The following TNIP3 variants were observed in gnomAD, a reference collection of about 807,000 sequenced individuals.
TNIP3 encodes TNFAIP3 interacting protein 3.
TNIP3 carries 34 observed loss-of-function variants against 54.1 expected under a neutral mutation model. That is an observed-to-expected ratio of 0.63 (90% CI 0.48 to 0.84). TNIP3 has a LOEUF of 0.84. TNIP3 is among the 40% of genes least tolerant of loss of function. The pLI, the probability that TNIP3 is intolerant of heterozygous loss-of-function variation, is 0.00. For missense variants in TNIP3, 366 were observed against 387.6 expected, an observed-to-expected ratio of 0.94 and a Z score of 0.47; for synonymous variants, 134 against 136.8, an observed-to-expected ratio of 0.98 and a Z score of 0.14.
At position 121,150,216 on chromosome 4, in the gene TNIP3, G is replaced by C. The variant is rs747644165; in HGVS notation, c.496C>G (p.Leu166Val). The change falls in exon 6 of 11, where the codon CTT becomes GTT. Residue 166 changes from leucine to valine, a missense_variant. Physicochemically the swap from Leu to Val is conservative, Grantham distance 32 (BLOSUM62 1). Transcript: ENST00000057513. ...ECEIKRLNKA[L>V]QDALNIKCSF... ...CACTTGATATTCAAGGCATCCTGAA[G>C]AGCCTACGTAATAAGATAAGTACAC... 3 of 1,597,460 alleles carry C rather than the reference G, an allele frequency of 1.9e-6. No homozygotes were observed. Among genetic ancestry groups the C allele is most frequent in the African/African-American group, 1.3e-5 (1 of 74,502 alleles).
chr4:121,201,721 A>G (rs1725900427), intron 2 of TNIP3, among the ~76,000 whole-genome samples: 1 of 152,212 alleles, frequency 6.6e-6, no homozygotes, highest in Non-Finnish European at 1.5e-5. Context: ...TCATTTGTAT[A>G]TTAATTAATA....
intron 1 of TNIP3, among the ~76,000 whole-genome samples, chr4:121,163,391 G>A (rs1413654223): frequency 2.0e-5 from 3 of 152,154 alleles, no homozygotes; most frequent in Non-Finnish European, 4.4e-5. Flanking sequence ...TAACTACAAA[G>A]ATTTTCAGTC....
At chr4:121,174,988 T>G (rs1724222268) in intron 3 of TNIP3, among the ~76,000 whole-genome samples, 1 of 152,202 alleles carries the variant, frequency 6.6e-6, no homozygotes, top group South Asian at 2.1e-4. Context: ...AAACCCAGCT[T>G]GGGTTGAGAT....
At chr4:121,208,860 A>G (rs1726323662) in intron 2 of TNIP3, among the ~76,000 whole-genome samples, 1 of 152,160 alleles carries the variant, frequency 6.6e-6, no homozygotes, top group Admixed American at 6.5e-5. Context: ...GAAGTCTGTC[A>G]GGGTGGAATC....
At chr4:121,221,631 A>G (rs1417958307) in intron 1 of TNIP3, among the ~76,000 whole-genome samples, 2 of 152,188 alleles carry the variant, frequency 1.3e-5, no homozygotes, top group Admixed American at 6.5e-5. Context: ...AAATTGGAGG[A>G]GAGGAAAATT....
intron 3 of TNIP3, among the ~76,000 whole-genome samples, chr4:121,182,107 C>G (rs1724749875): frequency 6.6e-6 from 1 of 151,942 alleles, no homozygotes; most frequent in Admixed American, 6.5e-5. Flanking sequence ...TTTAAGAGTT[C>G]ATGTTGTCAT....
chr4:121,182,165 A>G (rs1241499062), intron 3 of TNIP3, among the ~76,000 whole-genome samples: 1 of 152,116 alleles, frequency 6.6e-6, no homozygotes. Context: ...GCTTGAGCCT[A>G]CCCTTGAATT....
chr4:121,180,108 T>C (rs754113455), intron 3 of TNIP3, among the ~76,000 whole-genome samples: 20 of 151,988 alleles, frequency 1.3e-4, no homozygotes, highest in Non-Finnish European at 2.9e-4. Flanking sequence ...GAATTAATAT[T>C]ATAGATGTCG....
rs143759576 is a variant in TNIP3, at chr4:121,134,737, C to T, written c.947-2075G>A. Among the ~76,000 whole-genome samples, 256 of 152,238 alleles carry T rather than the reference C, an allele frequency of 1.7e-3. 3 individuals are homozygous for T. Among genetic ancestry groups the T allele is most frequent in the East Asian group, 9.9e-3 (51 of 5,160 alleles). ...GTGCACCATGGTACTCAGCACCTAC[C>T]ACCCTCAGTCCCTAGTCAGGAAGCC... is the stretch of plus-strand genomic sequence containing the variant. On this transcript the variant is annotated intron_variant, in intron 10 of 10. Coordinates refer to ENST00000057513, the MANE Select transcript of TNIP3 (RefSeq NM_024873.6).
At chr4:121,180,646 G>T (rs747546979) in intron 3 of TNIP3, among the ~76,000 whole-genome samples, 1 of 152,134 alleles carries the variant, frequency 6.6e-6, no homozygotes, top group Non-Finnish European at 1.5e-5. Flanking sequence ...ATGGGGTCTC[G>T]TATATGTTTG....
chr4:121,193,597 A>G (rs1376241949), intron 2 of TNIP3, among the ~76,000 whole-genome samples: 1 of 152,174 alleles, frequency 6.6e-6, no homozygotes, highest in Non-Finnish European at 1.5e-5. Flanking sequence ...AATAGATGCT[A>G]AGACTGGTGG....
intron 3 of TNIP3, among the ~76,000 whole-genome samples, chr4:121,181,255 G>T (rs548148397): frequency 3.9e-5 from 6 of 152,304 alleles, no homozygotes; most frequent in African/African-American, 7.2e-5. Context: ...GTACCAGAGG[G>T]AATTGATATT....
At chr4:121,154,739 G>T (rs570805250) in intron 4 of TNIP3, 60 bp from the exon 5 acceptor site, 2 of 1,481,884 alleles carry the variant, frequency 1.3e-6, no homozygotes, top group South Asian at 2.6e-5. Context: ...AGATGATATT[G>T]TAGGAATTCT....
intron 2 of TNIP3, among the ~76,000 whole-genome samples, chr4:121,160,570 A>G (rs2148814593): frequency 6.6e-6 from 1 of 152,352 alleles, no homozygotes; most frequent in African/African-American, 2.4e-5. Context: ...AAGAGTAAAG[A>G]GGTTCTAACA....
upstream of TNIP3, among the ~76,000 whole-genome samples, chr4:121,165,659 TTG>T (rs67730856): frequency 0.067 from 9,864 of 146,344 alleles, 941 homozygotes; most frequent in African/African-American, 0.22. Flanking sequence ...TTTTGCTAGT[TTG>T]TGTGTGTGTG....
Position 121,150,108 on chromosome 4 carries a change from G to T in TNIP3, c.604C>A (p.Gln202Lys), listed in dbSNP as rs200675874. 1.2e-6 allele frequency: 2 copies of T among 1,609,728 alleles called. No homozygotes were observed. Residue 202 changes from glutamine (Q) to lysine (K), a missense_variant, in exon 6 of 11, where the codon CAG becomes AAG. Coordinates refer to ENST00000057513, the MANE Select transcript of TNIP3 (RefSeq NM_024873.6). ...EMRTEMEVLK[Q>K]QVQIYEEDFK... ...TGCCACTTCCAGCTTCTCACCTGCT[G>T]CTTCAGAACTTCCATTTCTGTTCTC...
chr4:121,170,822 CT>C (rs990824585), intron 3 of TNIP3, among the ~76,000 whole-genome samples: 17 of 148,782 alleles, frequency 1.1e-4, no homozygotes, highest in Admixed American at 1.3e-4. Flanking sequence ...TAAGAGATAT[CT>C]TTTTTTTTTA....
chr4:121,223,024 C>A (rs1405709233), intron 1 of TNIP3, among the ~76,000 whole-genome samples: 1 of 152,172 alleles, frequency 6.6e-6, no homozygotes, highest in African/African-American at 2.4e-5. Context: ...CCAGGATGGT[C>A]TCGATCTCCT....
chr4:121,194,218 A>G (rs991287856), intron 2 of TNIP3, among the ~76,000 whole-genome samples: 2 of 152,124 alleles, frequency 1.3e-5, no homozygotes, highest in African/African-American at 4.8e-5. Flanking sequence ...TTTCTTTCTC[A>G]CAAAGCAGAC....
Sources: allele counts gnomAD v4.1 joint callset (sites outside exome capture counted in the v4.1 genomes callset), GRCh38; gene constraint gnomAD v4.1.1; transcripts MANE v1.5; gene names NCBI Gene and HGNC (gene_info 2026-07-23, HGNC 2026-07-21).